TAFA1: variants seen among roughly 807,000 people sequenced by gnomAD.
TAFA1 encodes the protein chemokine-like protein TAFA-1.
A neutral mutation model predicts 18.5 loss-of-function variants in TAFA1; 4 were observed. That is an observed-to-expected ratio of 0.22 (90% confidence interval 0.11 to 0.49). The LOEUF (loss-of-function observed/expected upper bound fraction) is 0.49, where lower values mean the gene tolerates loss of function less well. Among genes scored for constraint, TAFA1 ranks in the 20% least tolerant of loss-of-function variants. The pLI is 0.98. For missense variants in TAFA1, 147 were observed against 169.0 expected (o/e 0.87, Z 0.72); for synonymous variants, 56 against 55.2 (o/e 1.01, Z -0.06).
intron 2 of TAFA1, among the ~76,000 whole-genome samples, chr3:68,196,012 T>C (rs901061717): frequency 5.3e-5 from 8 of 151,716 alleles, no homozygotes; most frequent in Non-Finnish European, 7.4e-5. Flanking sequence ...CAGAAATGTA[T>C]AGAGTTTTAG....
intron 2 of TAFA1, among the ~76,000 whole-genome samples, chr3:68,382,181 C>T (rs1352696128): frequency 1.3e-5 from 2 of 152,068 alleles, no homozygotes; most frequent in African/African-American, 4.8e-5. Context: ...TTCGGTTTGC[C>T]AGTATTTTAT....
chr3:68,440,180 A>T (rs2071348245), intron 3 of TAFA1, among the ~76,000 whole-genome samples: 1 of 152,070 alleles, frequency 6.6e-6, no homozygotes, highest in South Asian at 2.1e-4. Flanking sequence ...GTCTCAAAAG[A>T]GCTGATGGCT....
intron 3 of TAFA1, among the ~76,000 whole-genome samples, chr3:68,525,433 G>A (rs2073095709): frequency 6.6e-6 from 1 of 152,166 alleles, no homozygotes; most frequent in African/African-American, 2.4e-5. Flanking sequence ...GCTGAGCATA[G>A]AGCAGGTGGT....
At chr3:68,389,455 A>G (rs921745849) in intron 2 of TAFA1, among the ~76,000 whole-genome samples, 1 of 152,222 alleles carries the variant, frequency 6.6e-6, no homozygotes, top group Non-Finnish European at 1.5e-5. Context: ...AAGAATATCA[A>G]TAGAAGAGAT....
At chr3:68,310,619 A>C (rs1305419887) in intron 2 of TAFA1, among the ~76,000 whole-genome samples, 1 of 152,174 alleles carries the variant, frequency 6.6e-6, no homozygotes, top group Non-Finnish European at 1.5e-5. Context: ...CTTAAAGGTG[A>C]TATATGTTAA....
intron 2 of TAFA1, among the ~76,000 whole-genome samples, chr3:68,260,795 T>C (rs997004191): frequency 3.9e-5 from 6 of 152,146 alleles, no homozygotes; most frequent in African/African-American, 1.2e-4. Context: ...ACTTACATGT[T>C]AGACCTAAAA....
intron 2 of TAFA1, among the ~76,000 whole-genome samples, chr3:68,295,062 A>G (rs985515848): frequency 6.6e-6 from 1 of 151,992 alleles, no homozygotes; most frequent in Non-Finnish European, 1.5e-5. Context: ...ACAATTCACT[A>G]TGTTCTCTAA....
intron 2 of TAFA1, among the ~76,000 whole-genome samples, chr3:68,115,864 C>T (rs2065318827): frequency 1.3e-5 from 2 of 152,154 alleles, no homozygotes; most frequent in Non-Finnish European, 2.9e-5. Context: ...CCTTGTGTAA[C>T]ACATGTCCTG....
chr3:68,334,368 T>A (rs1370967637), intron 2 of TAFA1, among the ~76,000 whole-genome samples: 2 of 152,210 alleles, frequency 1.3e-5, no homozygotes, highest in Non-Finnish European at 2.9e-5. Context: ...TTGTTGTTGT[T>A]GTTGTTACAT....
intron 2 of TAFA1, among the ~76,000 whole-genome samples, chr3:68,365,038 C>G (rs1471163957): frequency 6.6e-6 from 1 of 152,070 alleles, no homozygotes; most frequent in Admixed American, 6.6e-5. Context: ...GATCATGAAG[C>G]TGAAAGACTC....
chr3:68,456,820 C>T (rs2071675847), intron 3 of TAFA1, among the ~76,000 whole-genome samples: 1 of 152,166 alleles, frequency 6.6e-6, no homozygotes, highest in African/African-American at 2.4e-5. Context: ...AAGCCGGATT[C>T]ATTTTATCTT....
At chr3:68,281,694 G>A (rs948229538) in intron 2 of TAFA1, among the ~76,000 whole-genome samples, 6 of 152,044 alleles carry the variant, frequency 3.9e-5, no homozygotes, top group African/African-American at 1.4e-4. Context: ...CCGACCTGAA[G>A]TGATCCACCT....
intron 2 of TAFA1, among the ~76,000 whole-genome samples, chr3:68,080,388 G>T (rs997564058): frequency 6.6e-6 from 1 of 151,968 alleles, no homozygotes; most frequent in African/African-American, 2.4e-5. Context: ...CTCGTTAGTT[G>T]ATGCAGTTTC....
chr3:68,344,703 A>C (rs893240938), intron 2 of TAFA1, among the ~76,000 whole-genome samples: 7 of 152,198 alleles, frequency 4.6e-5, no homozygotes, highest in Non-Finnish European at 7.3e-5. Context: ...TGGCTACCTA[A>C]CAACAGAGAT....
chr3:68,415,821 A>G (rs1372359790), intron 2 of TAFA1, among the ~76,000 whole-genome samples: 1 of 152,180 alleles, frequency 6.6e-6, no homozygotes, highest in Non-Finnish European at 1.5e-5. Context: ...AGTAAATGAC[A>G]GAGCCGAGAT....
intron 3 of TAFA1, among the ~76,000 whole-genome samples, chr3:68,537,720 A>G (rs1037920513): frequency 6.6e-6 from 1 of 152,164 alleles, no homozygotes; most frequent in East Asian, 1.9e-4. Context: ...GTCTCACACT[A>G]TGTCAAAGAA....
intron 2 of TAFA1, among the ~76,000 whole-genome samples, chr3:68,187,036 C>G (rs2066280026): frequency 6.6e-6 from 1 of 151,194 alleles, no homozygotes; most frequent in South Asian, 2.1e-4. Flanking sequence ...AGTTTATATT[C>G]CTAGTTTCAA....
chr3:68,096,649 A>G (rs2065090648), intron 2 of TAFA1, among the ~76,000 whole-genome samples: 1 of 152,144 alleles, frequency 6.6e-6, no homozygotes, highest in Admixed American at 6.6e-5. Flanking sequence ...ATTCACAGCC[A>G]AGCTGGGATA....
At chr3:68,263,257 G>A (rs142958907) in intron 2 of TAFA1, among the ~76,000 whole-genome samples, 77 of 151,920 alleles carry the variant, frequency 5.1e-4, no homozygotes, top group African/African-American at 1.7e-3. Flanking sequence ...TATATTATAC[G>A]GTGGAATTTC....
Sources: allele counts gnomAD v4.1 joint callset (sites outside exome capture counted in the v4.1 genomes callset), GRCh38; gene constraint gnomAD v4.1.1; transcripts MANE v1.5; gene names NCBI Gene and HGNC (gene_info 2026-07-23, HGNC 2026-07-21).